Variants in MED13L observed in about 807,000 individuals in gnomAD.
MED13L encodes the protein mediator of RNA polymerase II transcription subunit 13-like.
MED13L carries 7 observed loss-of-function variants against 220.9 expected under a neutral mutation model. The ratio of observed to expected loss-of-function variants is 0.03; its 90% CI spans 0.02 to 0.06. The LOEUF (loss-of-function observed/expected upper bound fraction) is 0.06, where lower values mean the gene tolerates loss of function less well. Ranked by LOEUF, MED13L falls within the 10% of genes least tolerant of loss-of-function variation. The pLI, the probability that MED13L is intolerant of heterozygous loss-of-function variation, is 1.00. For missense variants in MED13L, 1,965 were observed against 2,760.5 expected (o/e 0.71, Z 6.46); for synonymous variants, 1,011 against 1,015.2 (o/e 1.00, Z 0.08).
At chr12:116,187,703 T>C (rs1226785530) in intron 2 of MED13L, among the ~76,000 whole-genome samples, 1 of 152,140 alleles carries the variant, frequency 6.6e-6, no homozygotes, top group Non-Finnish European at 1.5e-5. Flanking sequence ...TCTGCTCTAT[T>C]AAATCTGGAA....
intron 1 of MED13L, among the ~76,000 whole-genome samples, chr12:116,251,638 A>G (rs1326058814): frequency 2.0e-5 from 3 of 151,116 alleles, no homozygotes; most frequent in Non-Finnish European, 4.4e-5. Flanking sequence ...GCAGGCGCCC[A>G]TAGTCCCAGC....
At chr12:116,203,517 T>A (rs1299337674) in intron 2 of MED13L, among the ~76,000 whole-genome samples, 1 of 152,036 alleles carries the variant, frequency 6.6e-6, no homozygotes, top group East Asian at 1.9e-4. Context: ...TAGTGTAAGT[T>A]ACCACAAAAG....
intron 2 of MED13L, among the ~76,000 whole-genome samples, chr12:116,235,271 AGAG>A (rs1263011611): frequency 7.9e-5 from 12 of 152,320 alleles, no homozygotes; most frequent in East Asian, 7.7e-4. Flanking sequence ...CATATTAAAA[AGAG>A]GAGACGCACT....
At chr12:116,047,444 C>G (rs1881906984) in intron 4 of MED13L, among the ~76,000 whole-genome samples, 1 of 152,154 alleles carries the variant, frequency 6.6e-6, no homozygotes. Flanking sequence ...CAAGAAACAC[C>G]ATTTCTTTCA....
chr12:116,206,960 CCA>C (rs1882373439), intron 2 of MED13L, among the ~76,000 whole-genome samples: 2 of 152,006 alleles, frequency 1.3e-5, no homozygotes, highest in African/African-American at 4.8e-5. Context: ...GTGACAAAAA[CCA>C]CAGAGAGGAA....
chr12:116,143,800 T>C (rs1452634398), intron 2 of MED13L, among the ~76,000 whole-genome samples: 1 of 152,158 alleles, frequency 6.6e-6, no homozygotes, highest in African/African-American at 2.4e-5. Context: ...CCTCACTAGG[T>C]TGTTCATATT....
At chr12:116,261,511 A>C (rs1282388478) in intron 1 of MED13L, among the ~76,000 whole-genome samples, 5 of 150,990 alleles carry the variant, frequency 3.3e-5, no homozygotes, top group South Asian at 2.1e-4. Flanking sequence ...AAAAAAAAAA[A>C]CTCTGGAAAC....
chr12:116,260,111 T>C lies in MED13L; in HGVS notation c.72+16949A>G, dbSNP rs143109587. Among the ~76,000 whole-genome samples, 7 of 152,324 alleles carry C rather than the reference T, an allele frequency of 4.6e-5. No homozygotes were observed. In the East Asian group the frequency reaches 1.2e-3, roughly 25 times the overall value. ...TTGGAAGTTGTATTTCTTGGAAATA[T>C]TTGGTATTTCATTAGTACTACCTCA... On this transcript the variant is annotated intron_variant, in intron 1 of 30. Transcript: ENST00000281928.
Position 116,044,349 on chromosome 12 carries a change from C to T in MED13L, c.480-21748G>A, listed in dbSNP as rs181205585. On this transcript the variant is annotated intron_variant, in intron 4 of 30. Transcript: ENST00000281928. Reference sequence around the variant, plus strand: ...ATCTTGGCATAACCCGAATGTATTGCTGACTCAGGAGCTCTGCCAGTTCAA... The same window carrying T: ...ATCTTGGCATAACCCGAATGTATTGTTGACTCAGGAGCTCTGCCAGTTCAA... 2.6e-5 allele frequency among the ~76,000 whole-genome samples: 4 copies of T among 152,296 alleles called. No homozygotes were observed. In the East Asian group the frequency reaches 5.8e-4, roughly 22 times the overall value.
intron 6 of MED13L, 126 bp from the exon 7 acceptor site, chr12:116,019,538 T>C: frequency 4.2e-6 from 5 of 1,183,734 alleles, no homozygotes; most frequent in Non-Finnish European, 6.2e-6. Flanking sequence ...ATAGGCTCCA[T>C]TCTTTCATAA....
chr12:116,214,954 T>C (rs997248235), intron 2 of MED13L, among the ~76,000 whole-genome samples: 4 of 152,196 alleles, frequency 2.6e-5, no homozygotes, highest in Non-Finnish European at 5.9e-5. Context: ...CTCACATCAC[T>C]ACTACCAACT....
intron 2 of MED13L, among the ~76,000 whole-genome samples, chr12:116,211,199 C>G (rs1003396395): frequency 1.3e-5 from 2 of 152,184 alleles, no homozygotes; most frequent in African/African-American, 4.8e-5. Flanking sequence ...CCTTTCCAAC[C>G]ATTGCTGAAA....
rs1333626402 is a variant in MED13L at position 115,960,906 on chromosome 12, T to C, written c.*360A>G. ...AAGGGCTAGACTGCCCTCAATTGTA[T>C]ACAGAGGCTGAAAACACAGACTCTT... On this transcript the variant is annotated 3_prime_UTR_variant, in exon 31 of 31. Coordinates refer to ENST00000281928, the MANE Select transcript of MED13L (RefSeq NM_015335.5). 3 of 354,182 alleles carry C rather than the reference T, an allele frequency of 8.5e-6. No individual in the cohort carries two copies. Among genetic ancestry groups the C allele is most frequent in the Non-Finnish European group, 1.7e-5 (3 of 180,786 alleles). The allele number at this position is 354,182 out of a possible 1,614,324, so 21.9% of individuals were successfully genotyped here.
At chr12:116,191,103 A>AAAAAGAAAAG (rs562853726) in intron 2 of MED13L, among the ~76,000 whole-genome samples, 1 of 151,014 alleles carries the variant, frequency 6.6e-6, no homozygotes, top group African/African-American at 2.4e-5. Context: ...AAAAAAAAAA[A>AAAAAGAAAAG]AAAAGAAAAG....
At chr12:116,054,973 T>C (rs1348004094) in intron 4 of MED13L, among the ~76,000 whole-genome samples, 1 of 152,172 alleles carries the variant, frequency 6.6e-6, no homozygotes, top group Admixed American at 6.5e-5. Context: ...TATATTAACA[T>C]GCAAGGGATT....
At chr12:116,264,003 C>A (rs138580434) in intron 1 of MED13L, among the ~76,000 whole-genome samples, 3 of 152,308 alleles carry the variant, frequency 2.0e-5, no homozygotes, top group East Asian at 3.9e-4. Context: ...ACATCCACAA[C>A]GTATGTATGC....
At chr12:116,194,506 G>C (rs1026856942) in intron 2 of MED13L, among the ~76,000 whole-genome samples, 3 of 152,096 alleles carry the variant, frequency 2.0e-5, no homozygotes, top group African/African-American at 7.2e-5. Flanking sequence ...CCTAATCATA[G>C]TAAAAATCAT....
intron 2 of MED13L, among the ~76,000 whole-genome samples, chr12:116,225,505 T>G (rs1354741655): frequency 2.0e-5 from 3 of 152,098 alleles, no homozygotes; most frequent in Non-Finnish European, 4.4e-5. Flanking sequence ...ACAATCAGAG[T>G]TGTATGTAAT....
intron 2 of MED13L, among the ~76,000 whole-genome samples, chr12:116,226,203 GAACTAA>G (rs1438692685): frequency 6.6e-6 from 1 of 151,518 alleles, no homozygotes; most frequent in African/African-American, 2.4e-5. Flanking sequence ...GGGAGAGAGA[GAACTAA>G]TTGTATGATC....
Sources: gnomAD v4.1 joint callset for allele counts (sites outside exome capture counted in the v4.1 genomes callset) on GRCh38, gnomAD v4.1.1 for gene constraint, MANE v1.5 for transcripts, NCBI Gene and HGNC (gene_info 2026-07-23, HGNC 2026-07-21) for gene names.